Variants in SPATA16 observed in about 807,000 individuals in gnomAD.
The protein encoded by SPATA16 is spermatogenesis associated 16.
SPATA16 carries 36 observed loss-of-function variants against 63.3 expected under a neutral mutation model. That is an observed-to-expected ratio of 0.57 (90% CI 0.44 to 0.75). The LOEUF (loss-of-function observed/expected upper bound fraction) is 0.75, where lower values mean the gene tolerates loss of function less well. Among genes scored for constraint, SPATA16 ranks in the 30% least tolerant of loss-of-function variants. The probability of loss-of-function intolerance (pLI) is 0.00; values close to 1 mark genes in which losing one functional copy is unlikely to be tolerated. For missense variants in SPATA16, 646 were observed against 679.3 expected, an observed-to-expected ratio of 0.95 and a Z score of 0.54; for synonymous variants, 203 against 216.7, an observed-to-expected ratio of 0.94 and a Z score of 0.56.
chr3:172,916,909 G>A (rs994282368), intron 8 of SPATA16, among the ~76,000 whole-genome samples: 1 of 152,212 alleles, frequency 6.6e-6, no homozygotes, highest in African/African-American at 2.4e-5. Context: ...TTTAATGCAA[G>A]TTGAATCTTG....
chr3:173,005,428 T>C (rs1734921952), intron 4 of SPATA16, among the ~76,000 whole-genome samples: 1 of 151,860 alleles, frequency 6.6e-6, no homozygotes, highest in African/African-American at 2.4e-5. Context: ...GGCCTCTCTG[T>C]GTTCCCTCTT....
intron 6 of SPATA16, among the ~76,000 whole-genome samples, chr3:172,944,397 T>C (rs1399938046): frequency 6.6e-6 from 1 of 152,204 alleles, no homozygotes; most frequent in East Asian, 1.9e-4. Context: ...GGAACACTCG[T>C]GCACTTCTGG....
chr3:172,925,192 T>G, intron 7 of SPATA16, among the ~76,000 whole-genome samples, 154 bp downstream of exon 7: 1 of 152,136 alleles, frequency 6.6e-6, no homozygotes, highest in East Asian at 1.9e-4. Flanking sequence ...GTGTGTGTTC[T>G]TGGGGAAAGA....
intron 2 of SPATA16, among the ~76,000 whole-genome samples, chr3:173,061,794 CT>C (rs1467836309): frequency 2.6e-5 from 4 of 152,148 alleles, no homozygotes; most frequent in Non-Finnish European, 5.9e-5. Flanking sequence ...CATAGATCTA[CT>C]AAAGTGTCTC....
chr3:173,026,082 G>C (rs1735446815), intron 3 of SPATA16, among the ~76,000 whole-genome samples: 1 of 151,932 alleles, frequency 6.6e-6, no homozygotes, highest in African/African-American at 2.4e-5. Flanking sequence ...CGCCAGAACT[G>C]GTATGATCAG....
At chr3:172,996,375 C>T (rs1577123904) in intron 4 of SPATA16, among the ~76,000 whole-genome samples, 1 of 152,042 alleles carries the variant, frequency 6.6e-6, no homozygotes, top group African/African-American at 2.4e-5. Flanking sequence ...AATTGGAGGA[C>T]ATATTTTGAG....
chr3:173,018,476 A>T (rs977805990), intron 4 of SPATA16, among the ~76,000 whole-genome samples: 1 of 151,846 alleles, frequency 6.6e-6, no homozygotes, highest in East Asian at 1.9e-4. Context: ...GGGTTTCTTC[A>T]TGTTGGTCAG....
chr3:173,121,370 A>C (rs1035856091), intron 1 of SPATA16, among the ~76,000 whole-genome samples: 2 of 152,112 alleles, frequency 1.3e-5, no homozygotes, highest in African/African-American at 4.8e-5. Context: ...CACTTCTCCT[A>C]TAAACTACTC....
intron 6 of SPATA16, among the ~76,000 whole-genome samples, chr3:172,932,226 G>A (rs1732887575): frequency 6.6e-6 from 1 of 152,162 alleles, no homozygotes; most frequent in Admixed American, 6.5e-5. Flanking sequence ...ACATTGCAAA[G>A]CAGTTTCTTA....
chr3:173,028,839 C>T (rs1317711157), intron 3 of SPATA16, among the ~76,000 whole-genome samples: 1 of 151,960 alleles, frequency 6.6e-6, no homozygotes, highest in Non-Finnish European at 1.5e-5. Flanking sequence ...TTCTGAGCAT[C>T]TGTGAAGATC....
intron 6 of SPATA16, among the ~76,000 whole-genome samples, chr3:172,940,928 A>G (rs1482508019): frequency 2.0e-5 from 3 of 152,196 alleles, no homozygotes; most frequent in Non-Finnish European, 4.4e-5. Context: ...GGTTGCAGTG[A>G]GCCGAGATCA....
At chr3:172,974,340 A>AT (rs1026606058) in intron 5 of SPATA16, among the ~76,000 whole-genome samples, 18 of 152,218 alleles carry the variant, frequency 1.2e-4, no homozygotes, top group Non-Finnish European at 1.9e-4. Flanking sequence ...ATTTAACCTT[A>AT]ATGGATGCCT....
intron 1 of SPATA16, among the ~76,000 whole-genome samples, chr3:173,122,537 T>C (rs1560130934): frequency 6.6e-6 from 1 of 152,214 alleles, no homozygotes; most frequent in Admixed American, 6.5e-5. Context: ...TAATTTTAAC[T>C]TGCTGTTAAA....
intron 2 of SPATA16, among the ~76,000 whole-genome samples, chr3:173,084,771 A>G (rs879672299): frequency 6.6e-5 from 10 of 152,188 alleles, no homozygotes; most frequent in Admixed American, 2.0e-4. Context: ...TTTATTAAAT[A>G]AGGAATCCTT....
At chr3:173,028,028 T>TCCC (rs1735503815) in intron 3 of SPATA16, among the ~76,000 whole-genome samples, 1 of 42,794 alleles carries the variant, frequency 2.3e-5, no homozygotes, top group Non-Finnish European at 4.2e-5. Flanking sequence ...CCTTCTTTCC[T>TCCC]TCCTTCCTTC....
At chr3:173,009,389 G>C (rs1735008861) in intron 4 of SPATA16, among the ~76,000 whole-genome samples, 1 of 152,206 alleles carries the variant, frequency 6.6e-6, no homozygotes, top group Non-Finnish European at 1.5e-5. Flanking sequence ...GCTCCTGGGG[G>C]ATCCACAATT....
intron 5 of SPATA16, among the ~76,000 whole-genome samples, chr3:172,973,092 T>C (rs1227379847): frequency 6.6e-6 from 1 of 152,202 alleles, no homozygotes; most frequent in Non-Finnish European, 1.5e-5. Context: ...TAAAATGAAA[T>C]GTTGAAATTG....
chr3:172,900,983 T>C (rs1732115795), intron 10 of SPATA16, among the ~76,000 whole-genome samples: 1 of 152,154 alleles, frequency 6.6e-6, no homozygotes, highest in Admixed American at 6.5e-5. Context: ...TTTCACTGAT[T>C]ATTTCCTCTG....
intron 2 of SPATA16, among the ~76,000 whole-genome samples, chr3:173,096,098 T>C (rs1472825697): frequency 6.6e-6 from 1 of 152,106 alleles, no homozygotes; most frequent in African/African-American, 2.4e-5. Context: ...TTTTATAGAC[T>C]AAAAATATTT....
Sources: allele counts gnomAD v4.1 joint callset (sites outside exome capture counted in the v4.1 genomes callset), GRCh38; gene constraint gnomAD v4.1.1; transcripts MANE v1.5; gene names NCBI Gene and HGNC (gene_info 2026-07-23, HGNC 2026-07-21).